PTPRO: variants seen among roughly 807,000 people sequenced by gnomAD.
PTPRO encodes the protein protein tyrosine phosphatase receptor type O, also known as receptor-type tyrosine-protein phosphatase O.
In PTPRO, 62 loss-of-function variants were observed where a neutral mutation model predicts 145.2. The observed-to-expected ratio is 0.43, with a 90% CI of 0.35 to 0.53. The LOEUF is 0.53. Ranked by LOEUF, PTPRO falls within the 20% of genes least tolerant of loss-of-function variation. The pLI is 0.01. For synonymous variants in PTPRO, 565 were observed against 514.7 expected, an observed-to-expected ratio of 1.10 and a Z score of -1.32; for missense variants, 1,345 against 1,482.7, an observed-to-expected ratio of 0.91 and a Z score of 1.53.
intron 1 of PTPRO, among the ~76,000 whole-genome samples, chr12:15,325,559 A>G (rs1464865864): frequency 6.6e-6 from 1 of 152,220 alleles, no homozygotes; most frequent in African/African-American, 2.4e-5. Flanking sequence ...AAATAGAAGA[A>G]AAAATGGAAC....
At chr12:15,481,402 C>T (rs1441868774) in intron 1 of PTPRO, among the ~76,000 whole-genome samples, 3 of 152,196 alleles carry the variant, frequency 2.0e-5, no homozygotes, top group Non-Finnish European at 2.9e-5. Context: ...CCAAGAACTT[C>T]CCTAGAACTT....
intron 1 of PTPRO, among the ~76,000 whole-genome samples, chr12:15,347,249 G>A (rs11056439): frequency 0.23 from 35,558 of 151,996 alleles, 4,490 homozygotes; most frequent in Non-Finnish European, 0.3. Context: ...ACTTAAAACA[G>A]TTTTCTATTC....
chr12:15,527,525 A>G (rs1289073121), intron 12 of PTPRO, among the ~76,000 whole-genome samples: 2 of 152,238 alleles, frequency 1.3e-5, no homozygotes, highest in African/African-American at 2.4e-5. Context: ...ACTTGGCCAA[A>G]GGAGACACCA....
intron 12 of PTPRO, among the ~76,000 whole-genome samples, chr12:15,540,341 C>T (rs1290322279): frequency 6.6e-6 from 1 of 152,162 alleles, no homozygotes; most frequent in Non-Finnish European, 1.5e-5. Context: ...AACATTTATG[C>T]TTTGCATATG....
chr12:15,349,934 T>C (rs1424778311), intron 1 of PTPRO, among the ~76,000 whole-genome samples: 1 of 152,222 alleles, frequency 6.6e-6, no homozygotes, highest in Non-Finnish European at 1.5e-5. Context: ...GGGACCAAAG[T>C]AGAAGACACT....
chr12:15,376,053 A>C (rs1938677694), intron 1 of PTPRO, among the ~76,000 whole-genome samples: 1 of 152,164 alleles, frequency 6.6e-6, no homozygotes, highest in Non-Finnish European at 1.5e-5. Context: ...GAGCTCCAGA[A>C]ATAGAAAATG....
At chr12:15,492,421 A>G (rs1470660591) in intron 2 of PTPRO, among the ~76,000 whole-genome samples, 2 of 152,144 alleles carry the variant, frequency 1.3e-5, no homozygotes, top group African/African-American at 2.4e-5. Flanking sequence ...GGGAAAAAAA[A>G]TTGGCAGAAA....
At chr12:15,530,371 C>T (rs1479676939) in intron 12 of PTPRO, among the ~76,000 whole-genome samples, 2 of 152,070 alleles carry the variant, frequency 1.3e-5, no homozygotes, top group East Asian at 1.9e-4. Context: ...ACATGAGACC[C>T]GATAGGCCTA....
intron 1 of PTPRO, among the ~76,000 whole-genome samples, chr12:15,336,750 A>C (rs1866776989): frequency 6.6e-6 from 1 of 152,240 alleles, no homozygotes; most frequent in Admixed American, 6.5e-5. Context: ...CCAGCAGCCC[A>C]GTCTGCCATC....
At chr12:15,527,807 T>C (rs1351729846) in intron 12 of PTPRO, among the ~76,000 whole-genome samples, 3 of 152,114 alleles carry the variant, frequency 2.0e-5, no homozygotes, top group African/African-American at 7.2e-5. Context: ...GTGGACTAAA[T>C]AGTTAATTAT....
In PTPRO at chr12:15,407,046, C is replaced by A. The variant is rs191873174; in HGVS notation, c.76-76928C>A. Among the ~76,000 whole-genome samples the A allele has an allele frequency of 3.3e-5, 5 of 152,272 alleles. No homozygotes were observed. The East Asian group carries it at 9.6e-4, about 29-fold the overall frequency. On this transcript the variant is annotated intron_variant, in intron 1 of 26. Coordinates refer to ENST00000281171, the MANE Select transcript of PTPRO (RefSeq NM_030667.3). Reference sequence around the variant, plus strand: ...GTGTGTTTCTGTCATTTGTTCTTTGCAATATTTAATTCAGTCACAATCTCA... The same window carrying A: ...GTGTGTTTCTGTCATTTGTTCTTTGAAATATTTAATTCAGTCACAATCTCA...
At position 15,527,292 on chromosome 12, in the gene PTPRO, G is replaced by A. The variant is rs142063313; in HGVS notation, c.2164+1030G>A. ...CGCGATTCTGCCTGGCAACAAGTGT[G>A]CAGAAAATCTTCTGCCAACTCATGT... On this transcript the variant is annotated intron_variant, in intron 12 of 26. Coordinates refer to ENST00000281171, the MANE Select transcript of PTPRO (RefSeq NM_030667.3). 6.8e-3 allele frequency among the ~76,000 whole-genome samples: 1,031 copies of A among 152,284 alleles called. 15 individuals carry two copies. Among genetic ancestry groups the A allele is most frequent in the African/African-American group, 0.024 (989 of 41,554 alleles).
intron 19 of PTPRO, among the ~76,000 whole-genome samples, chr12:15,569,846 G>A (rs79855270): frequency 6.6e-6 from 1 of 152,204 alleles, no homozygotes; most frequent in African/African-American, 2.4e-5. Flanking sequence ...CCTTTCAGGG[G>A]ATTTGTAGTG....
At chr12:15,454,873 T>C (rs1427618600) in intron 1 of PTPRO, among the ~76,000 whole-genome samples, 1 of 152,070 alleles carries the variant, frequency 6.6e-6, no homozygotes, top group African/African-American at 2.4e-5. Flanking sequence ...GGCATCCACA[T>C]CTAGGATCAA....
chr12:15,482,141 TATG>T (rs1237856088), intron 1 of PTPRO, among the ~76,000 whole-genome samples: 2 of 149,982 alleles, frequency 1.3e-5, no homozygotes, highest in Non-Finnish European at 3.0e-5. Context: ...ATAAAGAAAA[TATG>T]GTGTGTGTGT....
chr12:15,360,714 C>A (rs948889153), intron 1 of PTPRO, among the ~76,000 whole-genome samples: 7 of 147,724 alleles, frequency 4.7e-5, no homozygotes, highest in Non-Finnish European at 7.5e-5. Context: ...TAAACATATA[C>A]CTATATGTTT....
At position 15,322,672 on chromosome 12, in the gene PTPRO, C is replaced by T; in HGVS notation, c.-55C>T. 1 of 1,501,522 alleles carries T rather than the reference C, an allele frequency of 6.7e-7. No homozygotes were observed. The highest frequency in any genetic ancestry group is 9.1e-7 in the Non-Finnish European group (1 of 1,096,888). 93.0% of individuals were successfully genotyped at this position (1,501,522 alleles called of 1,614,324 possible). On this transcript the variant is annotated 5_prime_UTR_variant, in exon 1 of 27. Transcript: ENST00000281171. This position sits in a 1 kb window ranked among gnomAD's most constrained non-coding sequence, Gnocchi z 6.3. ...AGCCCCAGTTCGCCATTGTGAGCCG[C>T]CGCCGGGGGAGTCCGCTAGCGCAGC... is the stretch of plus-strand genomic sequence containing the variant.
At chr12:15,496,541 G>A (rs547520012) in intron 2 of PTPRO, among the ~76,000 whole-genome samples, 72 of 152,246 alleles carry the variant, frequency 4.7e-4, no homozygotes, top group Non-Finnish European at 8.4e-4. Context: ...GCAGGAGAGT[G>A]GGAGGGGGAG....
chr12:15,384,088 G>T (rs1266850102), intron 1 of PTPRO, among the ~76,000 whole-genome samples: 1 of 152,084 alleles, frequency 6.6e-6, no homozygotes, highest in African/African-American at 2.4e-5. Context: ...AAACACAAAA[G>T]ATAGGAGAGT....
Sources: gnomAD v4.1 joint callset for allele counts (sites outside exome capture counted in the v4.1 genomes callset) on GRCh38, gnomAD v4.1.1 for gene constraint, Gnocchi (gnomAD v3.1) non-coding constraint, MANE v1.5 for transcripts, NCBI Gene and HGNC (gene_info 2026-07-23, HGNC 2026-07-21) for gene names.